The following JAKMIP2 variants were observed in gnomAD, a reference collection of about 807,000 sequenced individuals.
JAKMIP2 encodes janus kinase and microtubule interacting protein 2, also known as janus kinase and microtubule-interacting protein 2.
A neutral mutation model predicts 115.0 loss-of-function variants in JAKMIP2; 25 were observed. The observed-to-expected ratio is 0.22, with a 90% CI of 0.16 to 0.30. The LOEUF (loss-of-function observed/expected upper bound fraction) is 0.30, where lower values mean the gene tolerates loss of function less well. Ranked by LOEUF, JAKMIP2 falls within the 10% of genes least tolerant of loss-of-function variation. The pLI is 1.00. For synonymous variants in JAKMIP2, 334 were observed against 343.6 expected, an observed-to-expected ratio of 0.97 and a Z score of 0.31; for missense variants, 642 against 957.6, an observed-to-expected ratio of 0.67 and a Z score of 4.35.
chr5:147,726,337 G>A (rs1306380847), intron 1 of JAKMIP2, among the ~76,000 whole-genome samples: 1 of 152,150 alleles, frequency 6.6e-6, no homozygotes, highest in East Asian at 1.9e-4. Context: ...CCTTTGTGTT[G>A]CGGTTTGGCC....
At chr5:147,632,856 T>G (rs1203088201) in intron 12 of JAKMIP2, 78 bp from the exon 13 acceptor site, 1 of 845,148 alleles carries the variant, frequency 1.2e-6, no homozygotes, top group Non-Finnish European at 2.0e-6. Context: ...TAGTGTTCAG[T>G]TTACTCAGTG....
At chr5:147,749,149 C>G (rs1468929215) in intron 1 of JAKMIP2, among the ~76,000 whole-genome samples, 1 of 151,784 alleles carries the variant, frequency 6.6e-6, no homozygotes, top group Admixed American at 6.6e-5. Context: ...ATAAATTTGT[C>G]AATTTGAAGC....
intron 5 of JAKMIP2, among the ~76,000 whole-genome samples, chr5:147,645,209 A>C (rs1176368085): frequency 3.3e-5 from 5 of 152,172 alleles, no homozygotes; most frequent in Non-Finnish European, 7.4e-5. Flanking sequence ...CAGCCTTCAT[A>C]GCCTTATATC....
chr5:147,768,712 C>G (rs1755239444), intron 1 of JAKMIP2, among the ~76,000 whole-genome samples: 1 of 152,112 alleles, frequency 6.6e-6, no homozygotes, highest in Non-Finnish European at 1.5e-5. Context: ...TAAAATAATT[C>G]ACACTCTGCT....
chr5:147,693,437 C>G (rs529394905), intron 1 of JAKMIP2, among the ~76,000 whole-genome samples: 5 of 152,280 alleles, frequency 3.3e-5, no homozygotes, highest in African/African-American at 1.2e-4. Flanking sequence ...AGTCATTCAG[C>G]TTTTCTCACC....
intron 1 of JAKMIP2, among the ~76,000 whole-genome samples, chr5:147,771,975 T>C (rs1755374299): frequency 6.6e-6 from 1 of 152,064 alleles, no homozygotes; most frequent in Non-Finnish European, 1.5e-5. Context: ...ATTTTGCTGT[T>C]TCCACATACA....
At chr5:147,674,295 G>A (rs919039749) in intron 1 of JAKMIP2, among the ~76,000 whole-genome samples, 17 of 152,032 alleles carry the variant, frequency 1.1e-4, no homozygotes, top group Admixed American at 7.2e-4. Flanking sequence ...AATCTGATCC[G>A]CTTTGGCCAA....
At chr5:147,634,167 T>C (rs1156929987) in intron 12 of JAKMIP2, among the ~76,000 whole-genome samples, 1 of 152,218 alleles carries the variant, frequency 6.6e-6, no homozygotes, top group African/African-American at 2.4e-5. Flanking sequence ...CCCAAGTATT[T>C]ACATTTGAAG....
chr5:147,592,614 C>A (rs1367538475), intron 21 of JAKMIP2, among the ~76,000 whole-genome samples: 3 of 152,164 alleles, frequency 2.0e-5, no homozygotes, highest in Non-Finnish European at 4.4e-5. Flanking sequence ...CCTTTAGGGT[C>A]TGAACAACAT....
intron 1 of JAKMIP2, among the ~76,000 whole-genome samples, chr5:147,679,821 T>G (rs1418969999): frequency 6.6e-6 from 1 of 152,118 alleles, no homozygotes; most frequent in Non-Finnish European, 1.5e-5. Flanking sequence ...AACACTTTCC[T>G]AAAGAGAGGG....
intron 13 of JAKMIP2, 36 bp downstream of exon 13, chr5:147,632,644 C>T (rs964118085): frequency 6.1e-6 from 8 of 1,305,900 alleles, no homozygotes; most frequent in African/African-American, 2.9e-5. Context: ...TTAATCATTA[C>T]GATTATTTTT....
intron 18 of JAKMIP2, among the ~76,000 whole-genome samples, chr5:147,618,850 A>G (rs1275444027): frequency 6.6e-6 from 1 of 152,196 alleles, no homozygotes; most frequent in Non-Finnish European, 1.5e-5. Flanking sequence ...TCTAAGTTAG[A>G]ACAAAATACT....
chr5:147,603,915 T>C (rs1242643282), intron 20 of JAKMIP2, among the ~76,000 whole-genome samples: 2 of 152,152 alleles, frequency 1.3e-5, no homozygotes, highest in Non-Finnish European at 1.5e-5. Flanking sequence ...TTTTGTTTTC[T>C]CCCCTTTTTG....
In JAKMIP2 at chr5:147,641,606, TG is replaced by T; in HGVS notation, c.1281+101del. ...TGCCCATGGTTTGCTGCAACAGTTC[TG>T]GAACACCTGATTCATCACATCTTTG... On this transcript the variant is annotated intron_variant, in intron 8 of 21. Coordinates refer to ENST00000616793, the MANE Select transcript of JAKMIP2 (RefSeq NM_001270941.2). The T allele has an allele frequency of 3.8e-6, 3 of 796,712 alleles. No homozygotes were observed. In the East Asian group the frequency reaches 7.7e-5, roughly 20 times the overall value. The allele number at this position is 796,712 out of a possible 1,614,324, so 49.4% of individuals were successfully genotyped here.
Position 147,671,948 on chromosome 5 carries a change from G to A in JAKMIP2, c.-142C>T. 3.0e-6 allele frequency: 4 copies of A among 1,313,868 alleles called. No individual in the cohort carries two copies. The highest frequency in any genetic ancestry group is 3.9e-6 in the Non-Finnish European group (4 of 1,026,902). 81.4% of individuals were successfully genotyped at this position (1,313,868 alleles called of 1,614,324 possible). A position where few individuals can be genotyped will look rare whatever the true frequency, so the allele number is the denominator to read the frequency against. On this transcript the variant is annotated 5_prime_UTR_variant, in exon 2 of 22. It introduces an in-frame stop codon into an upstream open reading frame of the 5' UTR. Coordinates refer to ENST00000616793, the MANE Select transcript of JAKMIP2 (RefSeq NM_001270941.2). ...GTAAGGTCTCCTCAATCGCTGCCCT[G>A]GAAGCCCTGAGAAGAGGCAGAGATA...
intron 10 of JAKMIP2, 91 bp from the exon 11 acceptor site, chr5:147,637,139 G>A (rs75190501): frequency 1.3e-6 from 1 of 749,138 alleles, no homozygotes; most frequent in Admixed American, 2.3e-5. Flanking sequence ...GAGAGAGAGA[G>A]GAAAAAAAGA....
intron 2 of JAKMIP2, among the ~76,000 whole-genome samples, chr5:147,665,928 T>C (rs1269218964): frequency 6.6e-6 from 1 of 152,100 alleles, no homozygotes. Context: ...GAAGAGGAGA[T>C]GAAGGAAATT....
At chr5:147,634,288 G>A (rs1032825324) in intron 12 of JAKMIP2, among the ~76,000 whole-genome samples, 5 of 151,880 alleles carry the variant, frequency 3.3e-5, no homozygotes, top group Non-Finnish European at 5.9e-5. Context: ...TAAGACTAAC[G>A]GAAATCAGAT....
chr5:147,662,161 T>TACACACACACAC (rs61492351), intron 2 of JAKMIP2, among the ~76,000 whole-genome samples: 2,637 of 147,092 alleles, frequency 0.018, 82 homozygotes, highest in African/African-American at 0.063. Flanking sequence ...CCCCAAGTTT[T>TACACACACACAC]ACACACACAC....
Sources: gnomAD v4.1 joint callset for allele counts (sites outside exome capture counted in the v4.1 genomes callset) on GRCh38, gnomAD v4.1.1 for gene constraint, MANE v1.5 for transcripts, NCBI Gene and HGNC (gene_info 2026-07-23, HGNC 2026-07-21) for gene names.